OR14I1: variants seen among roughly 807,000 people sequenced by gnomAD.
The protein encoded by OR14I1 is olfactory receptor 14I1.
For missense variants in OR14I1, 279 were observed against 181.8 expected, an observed-to-expected ratio of 1.53 and a Z score of -3.07; for synonymous variants, 118 against 71.1, an observed-to-expected ratio of 1.66 and a Z score of -3.32.
At chr1:248,682,656 A>G (rs753532998), upstream of OR14I1, among the ~76,000 whole-genome samples, 1 of 152,240 alleles carries the variant, frequency 6.6e-6, no homozygotes, top group East Asian at 1.9e-4. Context: ...AGGCAAATAT[A>G]CTAAATAAAA....
the OR14I1 span, among the ~76,000 whole-genome samples, chr1:248,697,927 A>G: frequency 1.3e-5 from 2 of 152,372 alleles, no homozygotes; most frequent in Admixed American, 6.5e-5. Flanking sequence ...ATTATATTTT[A>G]CTATGCTTGC....
the OR14I1 span, among the ~76,000 whole-genome samples, chr1:248,699,899 A>G: frequency 4.7e-4 from 71 of 152,326 alleles, no homozygotes; most frequent in Non-Finnish European, 8.4e-4. Flanking sequence ...CTGGGACTAC[A>G]GGCACGTGCC....
At chr1:248,702,599 C>T in the OR14I1 span, among the ~76,000 whole-genome samples, 1 of 152,134 alleles carries the variant, frequency 6.6e-6, no homozygotes, top group African/African-American at 2.4e-5. Flanking sequence ...CTTCTGTTCT[C>T]CCAGCTTCCA....
the OR14I1 span, among the ~76,000 whole-genome samples, chr1:248,695,150 T>C: frequency 6.6e-6 from 1 of 152,156 alleles, no homozygotes; most frequent in African/African-American, 2.4e-5. Context: ...ACCATTGAAA[T>C]TTTCGTTATT....
chr1:248,702,615 A>G, the OR14I1 span, among the ~76,000 whole-genome samples: 1 of 151,996 alleles, frequency 6.6e-6, no homozygotes, highest in Non-Finnish European at 1.5e-5. Context: ...TTCCAGCCTT[A>G]GTCCCCTAGA....
the OR14I1 span, among the ~76,000 whole-genome samples, chr1:248,693,614 T>G: frequency 6.6e-6 from 1 of 152,190 alleles, no homozygotes. Flanking sequence ...TTGTTTTATT[T>G]ATTTTGAGGA....
chr1:248,690,193 C>T, the OR14I1 span, among the ~76,000 whole-genome samples: 6 of 152,064 alleles, frequency 3.9e-5, no homozygotes, highest in Admixed American at 6.6e-5. Flanking sequence ...CAAATAAATT[C>T]GAAAGCTAGC....
the OR14I1 span, chr1:248,697,169 A>T: frequency 6.6e-6 from 1 of 152,206 alleles, no homozygotes; most frequent in Non-Finnish European, 1.5e-5. Flanking sequence ...GCAGCAGATA[A>T]AATAAAGTGT....
exon 1 of OR14I1, chr1:248,681,947 G>A (rs147500210): frequency 1.8e-5 from 14 of 780,972 alleles, no homozygotes; most frequent in East Asian, 1.5e-4. Context: ...GCAACATAGC[G>A]GTCATAAGAC....
At chr1:248,700,903 G>A in the OR14I1 span, among the ~76,000 whole-genome samples, 1 of 152,142 alleles carries the variant, frequency 6.6e-6, no homozygotes, top group Non-Finnish European at 1.5e-5. Flanking sequence ...TTTTTACAAA[G>A]ATTTACTATA....
rs758759072 is a variant in OR14I1, at chr1:248,681,785, G to A, written c.520C>T (p.Gln174Ter). ...ACATGAGGGATGTCACGGAAGAACTGGTGGATCACACTGGATCTGCAAACG... is the reference window on the plus strand; with the variant it reads ...ACATGAGGGATGTCACGGAAGAACTAGTGGATCACACTGGATCTGCAAACG... Residue 174 changes from glutamine to a stop codon, truncating the protein, a stop_gained, in exon 1 of 1, where the codon CAG (glutamine) becomes TAG (stop). Coordinates refer to ENST00000342623, the Ensembl canonical transcript of OR14I1. LOFTEE classifies it low-confidence loss of function (END_TRUNC). 5.2e-5 allele frequency: 41 copies of A among 780,966 alleles called. No individual in the cohort carries two copies. Among genetic ancestry groups the A allele is most frequent in the Non-Finnish European group, 9.1e-5 (38 of 418,142 alleles). The allele number at this position is 780,966 out of a possible 1,614,324, so 48.4% of individuals were successfully genotyped here. A position where few individuals can be genotyped will look rare whatever the true frequency, so the allele number is the denominator to read the frequency against.
At chr1:248,691,547 G>A in the OR14I1 span, among the ~76,000 whole-genome samples, 5 of 152,312 alleles carry the variant, frequency 3.3e-5, no homozygotes, top group South Asian at 1.0e-3. Flanking sequence ...CCAAAGAATC[G>A]GAAAAACAGA....
chr1:248,697,015 T>C, the OR14I1 span: 6 of 152,226 alleles, frequency 3.9e-5, no homozygotes, highest in Admixed American at 3.9e-4. Context: ...GCCAGTCTTC[T>C]ATCTTTTTTT....
At chr1:248,700,006 T>G in the OR14I1 span, among the ~76,000 whole-genome samples, 1 of 152,174 alleles carries the variant, frequency 6.6e-6, no homozygotes, top group Non-Finnish European at 1.5e-5. Flanking sequence ...GTGATCCGCC[T>G]GCCTTGGCCT....
At chr1:248,684,787 C>A (rs1489442006), upstream of OR14I1, among the ~76,000 whole-genome samples, 2 of 147,828 alleles carry the variant, frequency 1.4e-5, no homozygotes, top group African/African-American at 5.3e-5. Context: ...TACACACACA[C>A]ACAGATAAGC....
At chr1:248,682,547 C>T (rs977303189), upstream of OR14I1, among the ~76,000 whole-genome samples, 1 of 152,108 alleles carries the variant, frequency 6.6e-6, no homozygotes, top group South Asian at 2.1e-4. Flanking sequence ...TTGATTAGTA[C>T]TGTTTTTCTA....
the OR14I1 span, among the ~76,000 whole-genome samples, chr1:248,697,912 T>C: frequency 6.6e-6 from 1 of 152,246 alleles, no homozygotes; most frequent in African/African-American, 2.4e-5. Context: ...TCAAAAAGAT[T>C]GCAAATTATA....
At chr1:248,686,726 T>G (rs1211009722), upstream of OR14I1, among the ~76,000 whole-genome samples, 1 of 138,112 alleles carries the variant, frequency 7.2e-6, no homozygotes, top group African/African-American at 2.6e-5. Flanking sequence ...TTCAATTTCC[T>G]TATTGGGTAA....
the OR14I1 span, among the ~76,000 whole-genome samples, chr1:248,694,948 C>G: frequency 6.6e-5 from 10 of 152,202 alleles, no homozygotes; most frequent in Non-Finnish European, 1.3e-4. Context: ...GGCTATCCAG[C>G]ATTTGAAATG....
Sources: allele counts gnomAD v4.1 joint callset (sites outside exome capture counted in the v4.1 genomes callset), GRCh38; gene constraint gnomAD v4.1.1; transcripts MANE v1.5; gene names NCBI Gene and HGNC (gene_info 2026-07-23, HGNC 2026-07-21).